NPR3: variants seen among roughly 807,000 people sequenced by gnomAD.
NPR3 encodes atrial natriuretic peptide receptor 3.
A neutral mutation model predicts 54.5 loss-of-function variants in NPR3; 34 were observed. That is an observed-to-expected ratio of 0.62 (90% CI 0.47 to 0.83). The LOEUF is 0.83. NPR3 is among the 40% of genes least tolerant of loss of function. The pLI, the probability that NPR3 is intolerant of heterozygous loss-of-function variation, is 0.00. For missense variants in NPR3, 674 were observed against 720.8 expected (o/e 0.94, Z 0.74); for synonymous variants, 289 against 297.1 (o/e 0.97, Z 0.28).
intron 3 of NPR3, among the ~76,000 whole-genome samples, chr5:32,740,563 C>T (rs1410733078): frequency 6.7e-6 from 1 of 149,954 alleles, no homozygotes. Context: ...AAAAGTGAGC[C>T]ACATATAGAA....
At position 32,751,672 on chromosome 5, in the gene NPR3, G is replaced by T. The variant is rs181383349; in HGVS notation, c.1059+12642G>T. 2.7e-3 allele frequency among the ~76,000 whole-genome samples: 406 copies of T among 152,244 alleles called. 3 individuals carry two copies. The highest frequency in any genetic ancestry group is 9.3e-3 in the African/African-American group (387 of 41,544). On this transcript the variant is annotated intron_variant, in intron 3 of 7. Coordinates refer to ENST00000265074, the MANE Select transcript of NPR3 (RefSeq NM_001204375.2). ...CCAATGCACAGCAGTATTGATAGGG[G>T]GGTGGGATGTGTGTTTGGGCATTCC...
chr5:32,766,305 C>G (rs1448111352), intron 3 of NPR3, among the ~76,000 whole-genome samples: 1 of 152,172 alleles, frequency 6.6e-6, no homozygotes, highest in Non-Finnish European at 1.5e-5. Context: ...TCATGTTCCA[C>G]TAGTGTGGAC....
Position 32,711,712 on chromosome 5 carries a change from G to A in NPR3, c.-65G>A, listed in dbSNP as rs1436100812. On this transcript the variant is annotated 5_prime_UTR_variant, in exon 1 of 8. Transcript: ENST00000265074. The stretch of plus-strand genomic sequence containing the variant: ...GGAGAGAAGAGTGGGGAGGAAAGAG[G>A]AAGGGTGGGTGGGGGGCAGAGGGCG... 8 of 1,393,838 alleles carry A rather than the reference G, an allele frequency of 5.7e-6. No individual in the cohort carries two copies. The highest frequency in any genetic ancestry group is 7.4e-6 in the Non-Finnish European group (8 of 1,075,660). The allele number at this position is 1,393,838 out of a possible 1,614,324, so 86.3% of individuals were successfully genotyped here.
In NPR3 at chr5:32,783,770, T is replaced by A. The variant is rs143513637; in HGVS notation, c.1426+742T>A. Among the ~76,000 whole-genome samples the A allele has an allele frequency of 1.9e-3, 290 of 152,344 alleles. 2 individuals carry two copies. Among genetic ancestry groups the A allele is most frequent in the Middle Eastern group, 0.014 (4 of 294 alleles). On this transcript the variant is annotated intron_variant, in intron 6 of 7. Transcript: ENST00000265074. Reference sequence around the variant, plus strand: ...GGGCCTGTATTTGACATCCCACTGTTGTTACTTGCTGGTTTTGTGACCCTA... The same window carrying A: ...GGGCCTGTATTTGACATCCCACTGTAGTTACTTGCTGGTTTTGTGACCCTA...
At chr5:32,745,228 G>A (rs909102376) in intron 3 of NPR3, among the ~76,000 whole-genome samples, 2 of 152,166 alleles carry the variant, frequency 1.3e-5, no homozygotes, top group African/African-American at 4.8e-5. Flanking sequence ...CACAGTGGGG[G>A]TTCTGAGGAC....
At chr5:32,753,436 A>G (rs1346211626) in intron 3 of NPR3, among the ~76,000 whole-genome samples, 1 of 152,112 alleles carries the variant, frequency 6.6e-6, no homozygotes, top group East Asian at 1.9e-4. Context: ...CACTTAAAAT[A>G]TGGACTATAG....
rs1049330301 is a variant in NPR3 at position 32,791,070 on chromosome 5, G to T, written c.*4725G>T. On this transcript the variant is annotated 3_prime_UTR_variant, in exon 8 of 8. Coordinates refer to ENST00000265074, the MANE Select transcript of NPR3 (RefSeq NM_001204375.2). ...TGTCACGGTGCATGATAGTTGGACA[G>T]AGATGGCTAAAAAAGAGGCAAATTC... 5 of 167,106 alleles carry T rather than the reference G, an allele frequency of 3.0e-5. No homozygotes were observed. The highest frequency in any genetic ancestry group is 1.2e-4 in the African/African-American group (5 of 41,464). The allele number at this position is 167,106 out of a possible 1,614,324, so 10.4% of individuals were successfully genotyped here. A position where few individuals can be genotyped will look rare whatever the true frequency, so the allele number is the denominator to read the frequency against.
At chr5:32,715,569 C>A (rs1447876455) in intron 1 of NPR3, among the ~76,000 whole-genome samples, 2 of 152,166 alleles carry the variant, frequency 1.3e-5, no homozygotes, top group East Asian at 3.9e-4. Context: ...TTCGCTAATG[C>A]CACTAAAATA....
At chr5:32,764,474 T>C (rs1300333426) in intron 3 of NPR3, among the ~76,000 whole-genome samples, 1 of 152,054 alleles carries the variant, frequency 6.6e-6, no homozygotes, top group Non-Finnish European at 1.5e-5. Flanking sequence ...CAATTTCTAG[T>C]GCTTTCAAGT....
chr5:32,713,165 CTG>C, intron 1 of NPR3: 1 of 985,378 alleles, frequency 1.0e-6, no homozygotes, highest in Non-Finnish European at 1.2e-6. Flanking sequence ...AAAAATGCCC[CTG>C]TGTGTCTGAA....
chr5:32,774,573 C>G lies in NPR3; in HGVS notation c.1060-135C>G, dbSNP rs114311361. On this transcript the variant is annotated intron_variant, in intron 3 of 7. Coordinates refer to ENST00000265074, the MANE Select transcript of NPR3 (RefSeq NM_001204375.2). ...AGGAAAGTCATGGCGTGATTCTTGT[C>G]AGTACCCCTTCTGCCCACCTCTGCC... The G allele has an allele frequency of 3.8e-3, 2,668 of 700,146 alleles. 62 individuals are homozygous for G. In the African/African-American group the frequency reaches 0.043, roughly 11 times the overall value. 43.4% of individuals were successfully genotyped at this position (700,146 alleles called of 1,614,324 possible).
At chr5:32,749,118 C>T (rs928527223) in intron 3 of NPR3, among the ~76,000 whole-genome samples, 10 of 152,136 alleles carry the variant, frequency 6.6e-5, no homozygotes, top group African/African-American at 2.4e-4. Flanking sequence ...GTAGAATACA[C>T]TTTTAAAAAA....
At chr5:32,716,550 G>A (rs922691106) in intron 1 of NPR3, 2 of 408,312 alleles carry the variant, frequency 4.9e-6, no homozygotes, top group Non-Finnish European at 9.6e-6. Context: ...GAGTCCAAGA[G>A]TTTGAGGCTA....
At chr5:32,768,182 T>C (rs1741576667) in intron 3 of NPR3, among the ~76,000 whole-genome samples, 1 of 152,188 alleles carries the variant, frequency 6.6e-6, no homozygotes. Context: ...CCGAGCAGTC[T>C]TGTGGGGGTT....
At position 32,790,229 on chromosome 5, in the gene NPR3, T is replaced by A. The variant is rs1019671888; in HGVS notation, c.*3884T>A. 6.0e-6 allele frequency: 1 copy of A among 165,382 alleles called. No individual in the cohort carries two copies. The allele number at this position is 165,382 out of a possible 1,614,324, so 10.2% of individuals were successfully genotyped here. ...AGTTGTCTTTAGAACTCAAGAATAA[T>A]CAATAATTTAGTGCCCCTTCAACAG... On this transcript the variant is annotated 3_prime_UTR_variant, in exon 8 of 8. Coordinates refer to ENST00000265074, the MANE Select transcript of NPR3 (RefSeq NM_001204375.2).
chr5:32,755,786 C>G (rs1740804549), intron 3 of NPR3, among the ~76,000 whole-genome samples: 1 of 152,220 alleles, frequency 6.6e-6, no homozygotes, highest in Admixed American at 6.5e-5. Flanking sequence ...CCGCATCCTT[C>G]TTTGTCTTCT....
At chr5:32,783,129 T>C (rs777557064) in intron 6 of NPR3, 101 bp downstream of exon 6, 14 of 1,137,666 alleles carry the variant, frequency 1.2e-5, no homozygotes, top group Non-Finnish European at 1.6e-5. Context: ...CATTTTGGAA[T>C]TTTACATTTC....
At chr5:32,783,408 A>ATG (rs1742440144) in intron 6 of NPR3, 2 of 173,790 alleles carry the variant, frequency 1.2e-5, no homozygotes, top group Non-Finnish European at 2.4e-5. Context: ...TCAGAACCAA[A>ATG]GAGATAACAT....
intron 3 of NPR3, among the ~76,000 whole-genome samples, chr5:32,748,668 C>T (rs1740424865): frequency 6.6e-6 from 1 of 151,898 alleles, no homozygotes; most frequent in Non-Finnish European, 1.5e-5. Context: ...GGGAAAGGGA[C>T]CTGGAGGAGT....
Sources: gnomAD v4.1 joint callset for allele counts (sites outside exome capture counted in the v4.1 genomes callset) on GRCh38, gnomAD v4.1.1 for gene constraint, MANE v1.5 for transcripts, NCBI Gene and HGNC (gene_info 2026-07-23, HGNC 2026-07-21) for gene names.